ZNF804A: variants seen among roughly 807,000 people sequenced by gnomAD.
The protein encoded by ZNF804A is zinc finger protein 804A.
Under a neutral mutation model 16.5 loss-of-function variants are expected in ZNF804A, and 2 were observed. The ratio of observed to expected loss-of-function variants is 0.12; its 90% CI spans 0.05 to 0.38. The LOEUF (loss-of-function observed/expected upper bound fraction) is 0.38, where lower values mean the gene tolerates loss of function less well. Ranked by LOEUF, ZNF804A falls within the 10% of genes least tolerant of loss-of-function variation. The pLI is 0.99. For synonymous variants in ZNF804A, 534 were observed against 489.6 expected (o/e 1.09, Z -1.20); for missense variants, 1,473 against 1,390.7 (o/e 1.06, Z -0.94).
intron 2 of ZNF804A, among the ~76,000 whole-genome samples, chr2:184,916,303 GA>G (rs1340808519): frequency 6.6e-6 from 1 of 152,078 alleles, no homozygotes; most frequent in African/African-American, 2.4e-5. Context: ...TTGTGGTAGG[GA>G]AAACACTTAA....
chr2:184,682,721 T>C (rs907446611), intron 1 of ZNF804A, among the ~76,000 whole-genome samples: 4 of 152,252 alleles, frequency 2.6e-5, no homozygotes, highest in Admixed American at 2.6e-4. Flanking sequence ...CATTTTCTCA[T>C]GGGTTTCCAC....
intron 1 of ZNF804A, among the ~76,000 whole-genome samples, chr2:184,720,785 A>G (rs1693299969): frequency 6.6e-6 from 1 of 152,166 alleles, no homozygotes; most frequent in African/African-American, 2.4e-5. Context: ...TATCAAAAAG[A>G]CCTCAAATAG....
chr2:184,636,649 T>C (rs918690113), intron 1 of ZNF804A, among the ~76,000 whole-genome samples: 1 of 151,832 alleles, frequency 6.6e-6, no homozygotes, highest in Admixed American at 6.6e-5. Context: ...GTGTGTGTAC[T>C]TCACTGTTTT....
chr2:184,837,065 T>C (rs1430498415), intron 1 of ZNF804A, among the ~76,000 whole-genome samples: 1 of 152,122 alleles, frequency 6.6e-6, no homozygotes, highest in Non-Finnish European at 1.5e-5. Flanking sequence ...TCAGTAGTCA[T>C]ACTCTTCAGA....
At chr2:184,683,215 A>G (rs767719407) in intron 1 of ZNF804A, among the ~76,000 whole-genome samples, 1 of 152,192 alleles carries the variant, frequency 6.6e-6, no homozygotes. Context: ...TGAACAATTC[A>G]ATGTCTACTT....
intron 1 of ZNF804A, among the ~76,000 whole-genome samples, chr2:184,792,935 C>T (rs780088843): frequency 8.6e-5 from 13 of 152,024 alleles, no homozygotes; most frequent in Admixed American, 1.3e-4. Flanking sequence ...CTTCCCACCA[C>T]CCCCTAGCAG....
At chr2:184,687,936 T>C (rs971464622) in intron 1 of ZNF804A, among the ~76,000 whole-genome samples, 3 of 152,064 alleles carry the variant, frequency 2.0e-5, no homozygotes, top group African/African-American at 7.2e-5. Context: ...CTGACCAATA[T>C]GGTGAAACCC....
chr2:184,886,092 G>T (rs1684885573), intron 2 of ZNF804A, among the ~76,000 whole-genome samples: 1 of 152,108 alleles, frequency 6.6e-6, no homozygotes, highest in African/African-American at 2.4e-5. Context: ...CCAAAAGCAA[G>T]CTAGTTTCTT....
intron 1 of ZNF804A, among the ~76,000 whole-genome samples, chr2:184,603,247 A>G (rs1574126818): frequency 6.6e-6 from 1 of 152,308 alleles, no homozygotes; most frequent in Non-Finnish European, 1.5e-5. Flanking sequence ...TTAGGCACTA[A>G]ATAATACATG....
rs548574264 is a variant in ZNF804A, at chr2:184,885,294, A to C, written c.255+18782A>C. 5.3e-5 allele frequency among the ~76,000 whole-genome samples: 8 copies of C among 152,318 alleles called. No individual in the cohort carries two copies. In the East Asian group the frequency reaches 1.5e-3, roughly 29 times the overall value. ...AAAACAGCTTGGTGATTTCTCAAAG[A>C]ACTGAAAGCAGAATTAACCTTTGAC... On this transcript the variant is annotated intron_variant, in intron 2 of 3. Coordinates refer to ENST00000302277, the MANE Select transcript of ZNF804A (RefSeq NM_194250.2).
chr2:184,901,722 C>T (rs1007176928), intron 2 of ZNF804A, among the ~76,000 whole-genome samples: 3 of 151,886 alleles, frequency 2.0e-5, no homozygotes, highest in Admixed American at 6.6e-5. Context: ...GAAAGCCATT[C>T]GTGTGTATTA....
At chr2:184,910,081 C>T (rs1685332653) in intron 2 of ZNF804A, among the ~76,000 whole-genome samples, 1 of 151,674 alleles carries the variant, frequency 6.6e-6, no homozygotes, top group Non-Finnish European at 1.5e-5. Context: ...AGATTTGATC[C>T]CATTACCCAG....
chr2:184,767,769 T>A (rs1437702298), intron 1 of ZNF804A, among the ~76,000 whole-genome samples: 2 of 152,058 alleles, frequency 1.3e-5, no homozygotes, highest in Non-Finnish European at 2.9e-5. Context: ...TGTAAGGAAT[T>A]ACAAGGAGTC....
intron 1 of ZNF804A, among the ~76,000 whole-genome samples, chr2:184,816,750 A>AT (rs1001356467): frequency 1.3e-4 from 19 of 151,430 alleles, no homozygotes; most frequent in South Asian, 4.2e-4. Context: ...GTTTGGGAGT[A>AT]TTTTTTTTGT....
At chr2:184,628,680 C>A (rs912726946) in intron 1 of ZNF804A, among the ~76,000 whole-genome samples, 2 of 151,902 alleles carry the variant, frequency 1.3e-5, no homozygotes, top group Non-Finnish European at 2.9e-5. Flanking sequence ...TGTTTGAGTT[C>A]ATCACATCTA....
At chr2:184,646,290 AG>A (rs1392297749) in intron 1 of ZNF804A, among the ~76,000 whole-genome samples, 1 of 152,190 alleles carries the variant, frequency 6.6e-6, no homozygotes, top group East Asian at 1.9e-4. Context: ...TGGGGCAGGA[AG>A]AGTGCTACTA....
chr2:184,856,603 G>A (rs961442573), intron 1 of ZNF804A, among the ~76,000 whole-genome samples: 1 of 152,208 alleles, frequency 6.6e-6, no homozygotes, highest in East Asian at 1.9e-4. Flanking sequence ...TATAAATTCA[G>A]AATCAGGAAT....
chr2:184,863,536 G>C (rs780071044), intron 1 of ZNF804A, among the ~76,000 whole-genome samples: 1 of 148,428 alleles, frequency 6.7e-6, no homozygotes, highest in Non-Finnish European at 1.5e-5. Context: ...TGCTTCTCTA[G>C]AGGAATATCA....
intron 2 of ZNF804A, among the ~76,000 whole-genome samples, chr2:184,927,977 T>A (rs1685635566): frequency 6.6e-6 from 1 of 152,066 alleles, no homozygotes. Flanking sequence ...TATCTCCCTG[T>A]GGCAGAGCTT....
Sources: gnomAD v4.1 joint callset for allele counts (sites outside exome capture counted in the v4.1 genomes callset) on GRCh38, gnomAD v4.1.1 for gene constraint, MANE v1.5 for transcripts, NCBI Gene and HGNC (gene_info 2026-07-23, HGNC 2026-07-21) for gene names.